The following PDE10A variants were observed in gnomAD, a reference collection of about 807,000 sequenced individuals.
PDE10A encodes the protein phosphodiesterase 10A, also known as cAMP and cAMP-inhibited cGMP 3',5'-cyclic phosphodiesterase 10A.
Under a neutral mutation model 97.7 loss-of-function variants are expected in PDE10A, and 39 were observed. That is an observed-to-expected ratio of 0.40 (90% CI 0.31 to 0.52). The LOEUF (loss-of-function observed/expected upper bound fraction) is 0.52. PDE10A is among the 20% of genes least tolerant of loss of function. The pLI is 0.56. For missense variants in PDE10A, 731 were observed against 1,047.8 expected (o/e 0.70, Z 4.17); for synonymous variants, 371 against 376.8 (o/e 0.98, Z 0.18).
intron 1 of PDE10A, among the ~76,000 whole-genome samples, chr6:165,933,558 A>G (rs1264118364): frequency 2.0e-5 from 3 of 152,364 alleles, no homozygotes; most frequent in African/African-American, 7.2e-5. Flanking sequence ...ATAAATTTAT[A>G]CAAATTCACA....
At chr6:165,718,708 G>A (rs1263402547) in intron 1 of PDE10A, among the ~76,000 whole-genome samples, 1 of 151,786 alleles carries the variant, frequency 6.6e-6, no homozygotes, top group East Asian at 1.9e-4. Flanking sequence ...CAAAAGAAAA[G>A]ACCTGCAGTT....
chr6:165,879,233 A>T (rs1384431580), intron 1 of PDE10A, among the ~76,000 whole-genome samples: 1 of 152,236 alleles, frequency 6.6e-6, no homozygotes, highest in African/African-American at 2.4e-5. Context: ...ACATTCATAC[A>T]ATGGCCACCA....
rs951732682 is a variant in PDE10A, at chr6:165,818,856, T to C, written c.-615+168673A>G. The stretch of plus-strand genomic sequence containing the variant: ...TATTAAACCCTGCTTACTTCAGCTG[T>C]GTTAGACAGTACACAGCTGTAGTAT... On this transcript the variant is annotated intron_variant, in intron 1 of 19. Coordinates refer to the PDE10A transcript ENST00000366882. Among the ~76,000 whole-genome samples, 89 of 152,354 alleles carry C rather than the reference T, an allele frequency of 5.8e-4. 4 individuals carry two copies. Among genetic ancestry groups the C allele is most frequent in the South Asian group, 2.1e-4 (1 of 4,826 alleles).
chr6:165,608,104 ACATG>A (rs1161652556), intron 1 of PDE10A, among the ~76,000 whole-genome samples: 5 of 143,358 alleles, frequency 3.5e-5, no homozygotes, highest in African/African-American at 1.4e-4. Flanking sequence ...GCATATATAT[ACATG>A]TATATATATA....
chr6:165,616,349 A>ATGTT (rs1787726077), intron 1 of PDE10A, among the ~76,000 whole-genome samples: 1 of 152,182 alleles, frequency 6.6e-6, no homozygotes, highest in Non-Finnish European at 1.5e-5. Flanking sequence ...CCCAGGGAAC[A>ATGTT]GTCTTCAGCA....
Position 165,329,696 on chromosome 6 carries a change from CAA to C in PDE10A, c.*3327_*3328del, listed in dbSNP as rs1781235078. The C allele has an allele frequency of 6.6e-6, 1 of 151,838 alleles. No individual in the cohort carries two copies. Among genetic ancestry groups the C allele is most frequent in the South Asian group, 2.1e-4 (1 of 4,818 alleles). 9.4% of individuals were successfully genotyped at this position (151,838 alleles called of 1,614,324 possible). On this transcript the variant is annotated 3_prime_UTR_variant, in exon 22 of 22. Transcript: ENST00000539869. ...ATGAAAAAAAATCTAAAAAGCATGC[CAA>C]AAAAGAGGAAATCTATTATTGAACA... is the stretch of plus-strand genomic sequence containing the variant.
rs368043871 is a variant in PDE10A at position 165,426,400 on chromosome 6, T to G, written c.1653+2258A>C. 8.9e-4 allele frequency among the ~76,000 whole-genome samples: 135 copies of G among 152,230 alleles called. 1 individual carries two copies. In the South Asian group the frequency reaches 0.014, roughly 15 times the overall value. On this transcript the variant is annotated intron_variant, in intron 10 of 21. Coordinates refer to ENST00000539869, the MANE Select transcript of PDE10A (RefSeq NM_001385079.1). ...AATGGCATTTTATGTTCAACTGATG[T>G]GCTGGGGAAAACTTGATAGCTACAT...
chr6:165,349,827 T>C (rs1369771464), intron 18 of PDE10A, among the ~76,000 whole-genome samples: 12 of 152,198 alleles, frequency 7.9e-5, no homozygotes, highest in Non-Finnish European at 1.6e-4. Context: ...GTTATTTTAC[T>C]GGGTGCAAGC....
chr6:165,551,053 A>G (rs1783990507), intron 1 of PDE10A, among the ~76,000 whole-genome samples: 1 of 152,240 alleles, frequency 6.6e-6, no homozygotes, highest in Admixed American at 6.5e-5. Context: ...AAGAAAACGT[A>G]TCTTGTGTCA....
intron 1 of PDE10A, among the ~76,000 whole-genome samples, chr6:165,764,784 C>G (rs1353745323): frequency 6.6e-6 from 1 of 152,120 alleles, no homozygotes; most frequent in Non-Finnish European, 1.5e-5. Flanking sequence ...TATTGCAAAG[C>G]GTGAAAGAAC....
At chr6:165,831,195 AC>A (rs1259727394) in intron 1 of PDE10A, among the ~76,000 whole-genome samples, 16 of 151,146 alleles carry the variant, frequency 1.1e-4, no homozygotes, top group Admixed American at 7.2e-4. Flanking sequence ...CCATGGTGAA[AC>A]CCCGTCTCTA....
chr6:165,693,418 C>G (rs926301749), intron 1 of PDE10A, among the ~76,000 whole-genome samples: 3 of 148,746 alleles, frequency 2.0e-5, no homozygotes, highest in African/African-American at 7.4e-5. Flanking sequence ...GTAGTCTCAT[C>G]TACTTGGGAG....
At chr6:165,772,463 G>C (rs1778039489) in intron 1 of PDE10A, among the ~76,000 whole-genome samples, 2 of 152,054 alleles carry the variant, frequency 1.3e-5, no homozygotes, top group Admixed American at 6.5e-5. Context: ...TCCATGCGGC[G>C]TCCTAGGGCC....
At chr6:165,542,397 G>A (rs948783853) in intron 2 of PDE10A, among the ~76,000 whole-genome samples, 13 of 151,984 alleles carry the variant, frequency 8.6e-5, no homozygotes, top group Admixed American at 5.2e-4. Flanking sequence ...CTTTATTCGT[G>A]AATATAACTG....
intron 1 of PDE10A, among the ~76,000 whole-genome samples, chr6:165,762,251 T>A (rs1056933316): frequency 2.0e-5 from 3 of 152,232 alleles, no homozygotes; most frequent in Non-Finnish European, 2.9e-5. Context: ...TTTTAGTTGG[T>A]CAGGGAGATG....
intron 1 of PDE10A, among the ~76,000 whole-genome samples, chr6:165,885,220 G>A (rs1380695587): frequency 6.6e-6 from 1 of 152,146 alleles, no homozygotes; most frequent in East Asian, 1.9e-4. Flanking sequence ...GACTACCGGA[G>A]ACTGGGTAAT....
chr6:165,915,678 G>A (rs74514868), intron 1 of PDE10A, among the ~76,000 whole-genome samples: 11 of 152,304 alleles, frequency 7.2e-5, no homozygotes, highest in African/African-American at 1.9e-4. Flanking sequence ...ACACAAAATC[G>A]GAACCACACA....
At chr6:165,450,429 T>C in intron 3 of PDE10A, 67 bp from the exon 4 acceptor site, 4 of 829,002 alleles carry the variant, frequency 4.8e-6, no homozygotes, top group Non-Finnish European at 7.4e-6. Context: ...TTCCTTAGTC[T>C]GTAAGACATA....
intron 2 of PDE10A, among the ~76,000 whole-genome samples, chr6:165,519,910 CTT>C (rs1782033173): frequency 1.3e-5 from 2 of 152,104 alleles, no homozygotes; most frequent in Non-Finnish European, 2.9e-5. Context: ...TGACAGTTAT[CTT>C]TTTCAAAATG....
Sources: gnomAD v4.1 joint callset for allele counts (sites outside exome capture counted in the v4.1 genomes callset) on GRCh38, gnomAD v4.1.1 for gene constraint, MANE v1.5 for transcripts, NCBI Gene and HGNC (gene_info 2026-07-23, HGNC 2026-07-21) for gene names.